Variants in MYRIP observed in about 807,000 individuals in gnomAD.
The protein encoded by MYRIP is rab effector MyRIP.
MYRIP carries 49 observed loss-of-function variants against 98.0 expected under a neutral mutation model. The observed-to-expected ratio is 0.50, with a 90% confidence interval of 0.40 to 0.63. The LOEUF (loss-of-function observed/expected upper bound fraction) is 0.63. MYRIP is among the 30% of genes least tolerant of loss of function. The pLI is 0.00. For missense variants in MYRIP, 1,004 were observed against 1,058.2 expected, an observed-to-expected ratio of 0.95 and a Z score of 0.71; for synonymous variants, 404 against 409.5, an observed-to-expected ratio of 0.99 and a Z score of 0.16.
chr3:40,020,364 T>G (rs139688283), intron 2 of MYRIP, among the ~76,000 whole-genome samples: 77 of 152,370 alleles, frequency 5.1e-4, no homozygotes, highest in Middle Eastern at 3.4e-3. Context: ...AGTTACTTGA[T>G]TGTATTTATT....
intron 3 of MYRIP, among the ~76,000 whole-genome samples, chr3:40,084,927 A>C (rs1470314961): frequency 3.4e-5 from 5 of 145,128 alleles, no homozygotes; most frequent in African/African-American, 1.3e-4. Flanking sequence ...GTCGATAGAT[A>C]ATATATATCT....
At chr3:39,968,571 T>C (rs1018619959) in intron 2 of MYRIP, among the ~76,000 whole-genome samples, 4 of 152,254 alleles carry the variant, frequency 2.6e-5, no homozygotes, top group African/African-American at 9.6e-5. Context: ...GCACCATTTA[T>C]TGAATAGAGA....
intron 2 of MYRIP, among the ~76,000 whole-genome samples, chr3:39,979,677 A>T (rs1156961843): frequency 1.3e-5 from 2 of 152,030 alleles, no homozygotes; most frequent in Non-Finnish European, 2.9e-5. Context: ...AACAAAAAAA[A>T]ACTAAGCAGC....
chr3:39,892,783 C>T (rs912914120), intron 1 of MYRIP, among the ~76,000 whole-genome samples: 1 of 152,100 alleles, frequency 6.6e-6, no homozygotes, highest in African/African-American at 2.4e-5. Flanking sequence ...AAGCATCCAC[C>T]ACTTCATAAT....
At chr3:40,000,692 A>C (rs1334655321) in intron 2 of MYRIP, among the ~76,000 whole-genome samples, 1 of 152,178 alleles carries the variant, frequency 6.6e-6, no homozygotes, top group African/African-American at 2.4e-5. Flanking sequence ...AGATGAAAGC[A>C]GACTACAAGC....
chr3:40,226,915 A>G (rs1952507614), intron 11 of MYRIP, among the ~76,000 whole-genome samples: 1 of 151,918 alleles, frequency 6.6e-6, no homozygotes, highest in Non-Finnish European at 1.5e-5. Context: ...CCCTTTTCCT[A>G]CCTGTCTCCC....
rs887747089 is a variant in MYRIP at position 40,091,135 on chromosome 3, A to G, written c.332+46864A>G. Reference sequence around the variant, plus strand: ...ACTCCTTTGTGGCTCTGGAGCCTTCATTTGAGCCTTGATCAGGCCCACTCA... The same window carrying G: ...ACTCCTTTGTGGCTCTGGAGCCTTCGTTTGAGCCTTGATCAGGCCCACTCA... On this transcript the variant is annotated intron_variant, in intron 3 of 16. Coordinates refer to ENST00000302541, the MANE Select transcript of MYRIP (RefSeq NM_015460.4). Among the ~76,000 whole-genome samples, 7 of 152,220 alleles carry G rather than the reference A, an allele frequency of 4.6e-5. 1 individual carries two copies. The highest frequency in any genetic ancestry group is 4.6e-4 in the Admixed American group (7 of 15,290).
chr3:40,135,886 C>A (rs1949754059), intron 3 of MYRIP, among the ~76,000 whole-genome samples: 2 of 152,186 alleles, frequency 1.3e-5, no homozygotes, highest in Admixed American at 1.3e-4. Flanking sequence ...GAAGGAAGCA[C>A]TAAACATGGA....
At chr3:40,109,742 C>T (rs1015600187) in intron 3 of MYRIP, among the ~76,000 whole-genome samples, 2 of 152,238 alleles carry the variant, frequency 1.3e-5, no homozygotes, top group Non-Finnish European at 2.9e-5. Flanking sequence ...CCTCCATAGT[C>T]TCATAGACTC....
chr3:40,054,548 C>G lies in MYRIP; in HGVS notation c.332+10277C>G, dbSNP rs146207541. On this transcript the variant is annotated intron_variant, in intron 3 of 16. Transcript: ENST00000302541. ...ATAGACTTTGAGTAAAGCAAATTGC[C>G]CTTCACAATGTGGGTGAGCCTTATC... is the stretch of plus-strand genomic sequence containing the variant. Among the ~76,000 whole-genome samples the G allele has an allele frequency of 6.2e-3, 937 of 152,104 alleles. 7 individuals carry two copies. The highest frequency in any genetic ancestry group is 0.022 in the South Asian group (107 of 4,822).
chr3:39,861,535 G>T (rs559718457), intron 1 of MYRIP, among the ~76,000 whole-genome samples: 1 of 152,110 alleles, frequency 6.6e-6, no homozygotes, highest in East Asian at 1.9e-4. Context: ...AACATGGATA[G>T]AAATGAAGAT....
intron 2 of MYRIP, among the ~76,000 whole-genome samples, chr3:39,941,473 A>G (rs1372490139): frequency 1.3e-5 from 2 of 151,454 alleles, no homozygotes; most frequent in Non-Finnish European, 2.9e-5. Context: ...GAGGAAATAC[A>G]GTCTTTTAAA....
At chr3:40,182,144 C>T (rs1310534498) in intron 8 of MYRIP, 76 bp from the exon 9 acceptor site, 3 of 1,416,352 alleles carry the variant, frequency 2.1e-6, no homozygotes, top group Non-Finnish European at 1.9e-6. Flanking sequence ...ACAATGTCTG[C>T]CCCCAAAAGG....
intron 2 of MYRIP, among the ~76,000 whole-genome samples, chr3:39,910,716 T>C (rs983347699): frequency 2.4e-4 from 36 of 152,240 alleles, no homozygotes; most frequent in African/African-American, 7.2e-4. Flanking sequence ...TTTTTTTTAC[T>C]TTTTAAAATG....
intron 3 of MYRIP, among the ~76,000 whole-genome samples, chr3:40,120,404 G>A (rs1949377079): frequency 6.6e-6 from 1 of 152,084 alleles, no homozygotes; most frequent in Non-Finnish European, 1.5e-5. Flanking sequence ...AAACAAAAAG[G>A]AAATTGTACA....
intron 1 of MYRIP, among the ~76,000 whole-genome samples, chr3:39,889,585 C>T (rs1472048063): frequency 2.0e-5 from 3 of 152,024 alleles, no homozygotes; most frequent in Non-Finnish European, 4.4e-5. Context: ...TGCTAGATGA[C>T]GAGTTAGTGG....
chr3:40,143,565 C>G (rs780819463), intron 3 of MYRIP, among the ~76,000 whole-genome samples: 1 of 152,166 alleles, frequency 6.6e-6, no homozygotes, highest in African/African-American at 2.4e-5. Flanking sequence ...GGAAGAGCTT[C>G]CAGAAAAGCT....
intron 2 of MYRIP, among the ~76,000 whole-genome samples, chr3:39,937,756 A>G (rs546821672): frequency 1.3e-5 from 2 of 152,368 alleles, no homozygotes; most frequent in African/African-American, 2.4e-5. Context: ...TTTCATAACA[A>G]TAGTGAATTT....
intron 7 of MYRIP, among the ~76,000 whole-genome samples, chr3:40,167,748 G>C (rs28740797): frequency 0.093 from 14,089 of 152,104 alleles, 1,400 homozygotes; most frequent in African/African-American, 0.24. Context: ...TTCCATGACC[G>C]TGGACCCTCA....
Sources: allele counts gnomAD v4.1 joint callset (sites outside exome capture counted in the v4.1 genomes callset), GRCh38; gene constraint gnomAD v4.1.1; transcripts MANE v1.5; gene names NCBI Gene and HGNC (gene_info 2026-07-23, HGNC 2026-07-21).